The following SLC35F1 variants were observed in gnomAD, a reference collection of about 807,000 sequenced individuals.
SLC35F1 encodes the protein chromosome 6 open reading frame 169.
A neutral mutation model predicts 48.7 loss-of-function variants in SLC35F1; 14 were observed. That is an observed-to-expected ratio of 0.29 (90% confidence interval 0.19 to 0.45). SLC35F1 has a LOEUF of 0.45. SLC35F1 is among the 20% of genes least tolerant of loss of function. The probability of loss-of-function intolerance (pLI) is 1.00; values close to 1 mark genes in which losing one functional copy is unlikely to be tolerated. For missense variants in SLC35F1, 404 were observed against 500.0 expected (o/e 0.81, Z 1.83); for synonymous variants, 190 against 202.2 (o/e 0.94, Z 0.51).
Position 118,001,400 on chromosome 6 carries a change from T to G in SLC35F1, c.173+93501T>G, listed in dbSNP as rs528486765. On this transcript the variant is annotated intron_variant, in intron 1 of 7. Coordinates refer to ENST00000360388, the MANE Select transcript of SLC35F1 (RefSeq NM_001029858.4). ...GCTGGGAAAACTGGCTAGCCATATG[T>G]AGAAAGCTGAAACTGGATCCCTTCC... Among the ~76,000 whole-genome samples the G allele has an allele frequency of 1.0e-3, 158 of 152,264 alleles. 2 individuals are homozygous for G. In the East Asian group the frequency reaches 0.027, roughly 26 times the overall value.
At chr6:117,918,902 T>TA (rs1775861726) in intron 1 of SLC35F1, among the ~76,000 whole-genome samples, 1 of 149,556 alleles carries the variant, frequency 6.7e-6, no homozygotes, top group African/African-American at 2.5e-5. Context: ...TTTAAAATAA[T>TA]TTTTTTTTTA....
At chr6:118,057,885 C>T (rs1772485436) in intron 1 of SLC35F1, among the ~76,000 whole-genome samples, 3 of 152,060 alleles carry the variant, frequency 2.0e-5, no homozygotes, top group African/African-American at 7.3e-5. Context: ...GGAAGACAAC[C>T]TCCTTTGCTA....
chr6:118,022,789 C>G (rs1777411743), intron 1 of SLC35F1, among the ~76,000 whole-genome samples: 1 of 140,646 alleles, frequency 7.1e-6, no homozygotes, highest in Non-Finnish European at 1.5e-5. Flanking sequence ...CTGACTCTGT[C>G]GCCCAGGCTG....
chr6:118,117,889 G>A (rs1773495272), intron 1 of SLC35F1, among the ~76,000 whole-genome samples: 2 of 152,112 alleles, frequency 1.3e-5, no homozygotes, highest in Admixed American at 1.3e-4. Flanking sequence ...TGATTCATCC[G>A]TGTTGTTGTA....
At position 118,119,521 on chromosome 6, in the gene SLC35F1, TG is replaced by T. The variant is rs1260190616; in HGVS notation, c.174-34923del. 5.9e-4 allele frequency among the ~76,000 whole-genome samples: 72 copies of T among 121,434 alleles called. 1 individual carries two copies. Among genetic ancestry groups the T allele is most frequent in the African/African-American group, 1.8e-3 (60 of 33,776 alleles). The allele number at this position is 121,434 out of a possible 152,430, so 79.7% of individuals were successfully genotyped here. ...CCCCCCTCCACCCCGCTTTTTTTTT[TG>T]AGACGGAGTTTCACTCTTGTCGCCC... On this transcript the variant is annotated intron_variant, in intron 1 of 7. Transcript: ENST00000360388.
chr6:118,235,424 G>T, intron 2 of SLC35F1, 85 bp from the exon 3 acceptor site: 1 of 1,262,256 alleles, frequency 7.9e-7, no homozygotes, highest in Non-Finnish European at 1.1e-6. Flanking sequence ...AATATATAAT[G>T]TTGCAACATA....
chr6:118,048,610 A>G (rs1772335989), intron 1 of SLC35F1, among the ~76,000 whole-genome samples: 1 of 152,228 alleles, frequency 6.6e-6, no homozygotes, highest in South Asian at 2.1e-4. Flanking sequence ...ACTCCCATTC[A>G]CAATTGCTTC....
chr6:117,972,125 T>C (rs539492709), intron 1 of SLC35F1, among the ~76,000 whole-genome samples: 8 of 152,352 alleles, frequency 5.3e-5, no homozygotes, highest in Admixed American at 2.0e-4. Flanking sequence ...CTTTAAGTCA[T>C]CCCTCTCAAG....
intron 1 of SLC35F1, among the ~76,000 whole-genome samples, chr6:117,916,033 G>C (rs1352601614): frequency 1.3e-5 from 2 of 152,214 alleles, no homozygotes. Flanking sequence ...ACAGGAAAGA[G>C]ATCTGCTCTC....
chr6:118,047,798 G>A (rs542868914), intron 1 of SLC35F1, among the ~76,000 whole-genome samples: 5 of 152,236 alleles, frequency 3.3e-5, no homozygotes, highest in South Asian at 2.1e-4. Flanking sequence ...GGCGCATGTT[G>A]GGAGTGGATA....
chr6:118,223,686 G>C (rs539932076), intron 2 of SLC35F1, among the ~76,000 whole-genome samples: 1 of 152,346 alleles, frequency 6.6e-6, no homozygotes, highest in South Asian at 2.1e-4. Context: ...GGGGAGAAGA[G>C]GCCAGCCAGC....
chr6:117,982,534 A>G (rs994531633), intron 1 of SLC35F1, among the ~76,000 whole-genome samples: 6 of 152,256 alleles, frequency 3.9e-5, no homozygotes, highest in Admixed American at 3.9e-4. Flanking sequence ...AGCATTCAGA[A>G]CATTAGCAGT....
rs375670018 is a variant in SLC35F1 at position 118,279,160 on chromosome 6, G to A, written c.847+1614G>A. Among the ~76,000 whole-genome samples the A allele has an allele frequency of 1.4e-4, 21 of 152,296 alleles. 1 individual carries two copies. The highest frequency in any genetic ancestry group is 1.2e-3 in the East Asian group (6 of 5,176). On this transcript the variant is annotated intron_variant, in intron 6 of 7. Coordinates refer to ENST00000360388, the MANE Select transcript of SLC35F1 (RefSeq NM_001029858.4). ...AAAATAGCTAGAAGAGATTTAGAAT[G>A]TTCCCAACACACACAAAAAAATTAA...
chr6:118,064,584 C>T (rs1048908879), intron 1 of SLC35F1, among the ~76,000 whole-genome samples: 1 of 152,082 alleles, frequency 6.6e-6, no homozygotes, highest in African/African-American at 2.4e-5. Flanking sequence ...TTGGTGGACT[C>T]AGTGGGTTCA....
intron 7 of SLC35F1, among the ~76,000 whole-genome samples, chr6:118,305,240 T>C (rs978123694): frequency 2.6e-5 from 4 of 151,700 alleles, no homozygotes; most frequent in African/African-American, 9.7e-5. Flanking sequence ...CAGTTTCCTC[T>C]TCCTGGGGGG....
At chr6:118,033,457 C>A (rs1414067374) in intron 1 of SLC35F1, among the ~76,000 whole-genome samples, 1 of 152,218 alleles carries the variant, frequency 6.6e-6, no homozygotes, top group East Asian at 1.9e-4. Flanking sequence ...GAGGCATTAT[C>A]TTTCCTTACT....
At chr6:118,115,801 C>T (rs974797241) in intron 1 of SLC35F1, among the ~76,000 whole-genome samples, 1 of 151,998 alleles carries the variant, frequency 6.6e-6, no homozygotes, top group African/African-American at 2.4e-5. Context: ...CATTTGTTGA[C>T]AAAATGACAG....
chr6:118,066,708 T>C (rs1391379190), intron 1 of SLC35F1, among the ~76,000 whole-genome samples: 1 of 151,220 alleles, frequency 6.6e-6, no homozygotes, highest in African/African-American at 2.4e-5. Flanking sequence ...AGAGTTCAGG[T>C]CAACAGTGAT....
intron 2 of SLC35F1, among the ~76,000 whole-genome samples, chr6:118,156,145 G>A (rs1194537642): frequency 6.6e-6 from 1 of 151,898 alleles, no homozygotes; most frequent in Non-Finnish European, 1.5e-5. Context: ...GGCCACCAAA[G>A]TTATTGACGT....
Sources: gnomAD v4.1 joint callset for allele counts (sites outside exome capture counted in the v4.1 genomes callset) on GRCh38, gnomAD v4.1.1 for gene constraint, MANE v1.5 for transcripts, NCBI Gene and HGNC (gene_info 2026-07-23, HGNC 2026-07-21) for gene names.